The following OR2L13 variants were observed in gnomAD, a reference collection of about 807,000 sequenced individuals.
The protein encoded by OR2L13 is olfactory receptor 2L13.
OR2L13 carries 14 observed loss-of-function variants against 15.3 expected under a neutral mutation model. The observed-to-expected ratio is 0.91, with a 90% confidence interval of 0.60 to 1.43. The LOEUF (loss-of-function observed/expected upper bound fraction) is 1.43, where lower values mean the gene tolerates loss of function less well. Ranked by LOEUF, OR2L13 falls within the 40% of genes most tolerant of loss-of-function variation. OR2L13 has a pLI of 0.00. For synonymous variants in OR2L13, 152 were observed against 142.9 expected (o/e 1.06, Z -0.45); for missense variants, 367 against 387.9 (o/e 0.95, Z 0.45).
chr1:248,007,469 G>C, the OR2L13 span, among the ~76,000 whole-genome samples: 1 of 152,098 alleles, frequency 6.6e-6, no homozygotes, highest in East Asian at 1.9e-4. Flanking sequence ...TCATTAAGAA[G>C]AACAACATAA....
At chr1:247,947,263 C>T in the OR2L13 span, among the ~76,000 whole-genome samples, 438 of 152,250 alleles carry the variant, frequency 2.9e-3, 10 homozygotes, top group Non-Finnish European at 6.0e-4. Context: ...ACTATTCTTT[C>T]TGCATATTTT....
At chr1:248,091,843 T>G (rs1339094288), upstream of OR2L13, among the ~76,000 whole-genome samples, 2 of 152,188 alleles carry the variant, frequency 1.3e-5, no homozygotes, top group African/African-American at 2.4e-5. Context: ...ATTGATAGTT[T>G]GACCTAGGAA....
the OR2L13 span, among the ~76,000 whole-genome samples, chr1:248,007,051 G>C: frequency 6.6e-6 from 1 of 152,140 alleles, no homozygotes; most frequent in Non-Finnish European, 1.5e-5. Context: ...AAGCAGTGGT[G>C]CTCAGTTCAG....
chr1:248,090,282 C>T (rs1337079533), upstream of OR2L13, among the ~76,000 whole-genome samples: 1 of 151,810 alleles, frequency 6.6e-6, no homozygotes, highest in African/African-American at 2.4e-5. Flanking sequence ...GCTCCCTGAA[C>T]CCTTTCGTTT....
chr1:248,074,269 G>A, the OR2L13 span, among the ~76,000 whole-genome samples: 3 of 151,854 alleles, frequency 2.0e-5, no homozygotes, highest in Non-Finnish European at 2.9e-5. Flanking sequence ...TTAAAATGAC[G>A]TGAAGATACC....
the OR2L13 span, among the ~76,000 whole-genome samples, chr1:248,002,609 A>T: frequency 6.6e-6 from 1 of 152,222 alleles, no homozygotes; most frequent in African/African-American, 2.4e-5. Flanking sequence ...CTGTAATCCC[A>T]GCACTTTGGG....
the OR2L13 span, chr1:248,004,070 A>G: frequency 6.2e-7 from 1 of 1,601,836 alleles, no homozygotes; most frequent in Non-Finnish European, 8.5e-7. Context: ...GAAAATGTAG[A>G]AACACTTTCT....
At chr1:247,989,454 A>T in the OR2L13 span, among the ~76,000 whole-genome samples, 2 of 152,182 alleles carry the variant, frequency 1.3e-5, no homozygotes, top group African/African-American at 2.4e-5. Flanking sequence ...ATAACAAATG[A>T]TCTTGATGAC....
the OR2L13 span, among the ~76,000 whole-genome samples, chr1:248,051,933 C>A: frequency 1.3e-5 from 2 of 152,084 alleles, no homozygotes; most frequent in Non-Finnish European, 2.9e-5. Flanking sequence ...AGGAACATAA[C>A]CACATTGTAA....
chr1:247,946,857 C>CAA, the OR2L13 span, among the ~76,000 whole-genome samples: 16 of 150,702 alleles, frequency 1.1e-4, no homozygotes, highest in African/African-American at 3.9e-4. Context: ...TGCTGCAATA[C>CAA]AAAAAAAAAC....
chr1:248,008,383 T>A, the OR2L13 span, among the ~76,000 whole-genome samples: 2 of 152,286 alleles, frequency 1.3e-5, no homozygotes, highest in South Asian at 4.1e-4. Context: ...TTCATACTCT[T>A]GTGAAGAGTC....
the OR2L13 span, among the ~76,000 whole-genome samples, chr1:247,955,293 G>A: frequency 6.6e-6 from 1 of 151,930 alleles, no homozygotes; most frequent in Admixed American, 6.6e-5. Context: ...TTTTTTTATG[G>A]CTGCATAGTA....
At chr1:247,949,945 C>T in the OR2L13 span, 1 of 551,294 alleles carries the variant, frequency 1.8e-6, no homozygotes, top group Non-Finnish European at 2.9e-6. Flanking sequence ...AATTGTTTTA[C>T]AAATATATAT....
chr1:247,970,413 C>T, the OR2L13 span, among the ~76,000 whole-genome samples: 8 of 152,020 alleles, frequency 5.3e-5, no homozygotes, highest in Admixed American at 2.6e-4. Flanking sequence ...TCCATGGCAA[C>T]AATGTAATAG....
the OR2L13 span, among the ~76,000 whole-genome samples, chr1:247,985,108 C>CT: frequency 1.8e-4 from 27 of 152,006 alleles, 1 homozygote; most frequent in South Asian, 2.3e-3. Context: ...ATTTTTTACT[C>CT]TTTTTTTTAA....
chr1:248,091,058 A>G (rs552065320), upstream of OR2L13, among the ~76,000 whole-genome samples: 2 of 152,210 alleles, frequency 1.3e-5, no homozygotes, highest in South Asian at 2.1e-4. Context: ...ACTTTTTCAT[A>G]TGCTTATTGG....
chr1:247,952,581 G>A, the OR2L13 span, among the ~76,000 whole-genome samples: 2 of 152,076 alleles, frequency 1.3e-5, no homozygotes, highest in Non-Finnish European at 2.9e-5. Context: ...GAATCTTCAG[G>A]CACTTTGTCT....
the OR2L13 span, among the ~76,000 whole-genome samples, chr1:247,994,386 G>A: frequency 6.6e-6 from 1 of 152,130 alleles, no homozygotes; most frequent in Admixed American, 6.6e-5. Context: ...GACAGAGCGA[G>A]ACTCCATCTC....
the OR2L13 span, among the ~76,000 whole-genome samples, chr1:248,059,521 CA>C: frequency 3.3e-5 from 5 of 152,062 alleles, no homozygotes. Flanking sequence ...TGAAATTAGG[CA>C]AGGAGGCAAA....
Sources: allele counts gnomAD v4.1 joint callset (sites outside exome capture counted in the v4.1 genomes callset), GRCh38; gene constraint gnomAD v4.1.1; transcripts MANE v1.5; gene names NCBI Gene and HGNC (gene_info 2026-07-23, HGNC 2026-07-21).